Variants in UIMC1 observed in about 807,000 individuals in gnomAD.
The protein encoded by UIMC1 is ubiquitin interaction motif containing 1.
In UIMC1, 42 loss-of-function variants were observed where a neutral mutation model predicts 84.9. The observed-to-expected ratio is 0.49, with a 90% CI of 0.39 to 0.64. The LOEUF (loss-of-function observed/expected upper bound fraction) is 0.64, where lower values mean the gene tolerates loss of function less well. Ranked by LOEUF, UIMC1 falls within the 30% of genes least tolerant of loss-of-function variation. UIMC1 has a pLI of 0.00. For missense variants in UIMC1, 825 were observed against 847.6 expected (o/e 0.97, Z 0.33); for synonymous variants, 281 against 293.0 (o/e 0.96, Z 0.42).
intron 2 of UIMC1, among the ~76,000 whole-genome samples, chr5:176,978,989 C>T (rs898448697): frequency 3.3e-5 from 5 of 151,972 alleles, no homozygotes; most frequent in African/African-American, 7.2e-5. Flanking sequence ...GGTGTAAGTG[C>T]TAGAGAGTAA....
chr5:177,019,539 G>C (rs1273353399), intron 1 of UIMC1, among the ~76,000 whole-genome samples: 1 of 151,964 alleles, frequency 6.6e-6, no homozygotes, highest in East Asian at 1.9e-4. Context: ...CTACTCAGGA[G>C]GCTGAGGCTG....
In UIMC1 at chr5:176,927,014, T is replaced by G. The variant is rs181396722; in HGVS notation, c.1598-15625A>C. ...ATCAGGTAAAATAAGAGTTACTGCA[T>G]AAGCGCATACTGACTTGCAGAAAAT... On this transcript the variant is annotated intron_variant, in intron 10 of 14. Coordinates refer to ENST00000511320, the MANE Select transcript of UIMC1 (RefSeq NM_001199298.2). Among the ~76,000 whole-genome samples the G allele has an allele frequency of 2.0e-5, 3 of 152,248 alleles. No homozygotes were observed. In the East Asian group the frequency reaches 5.8e-4, roughly 29 times the overall value.
chr5:176,952,976 GATA>G (rs1312236049), intron 8 of UIMC1, among the ~76,000 whole-genome samples: 2 of 152,154 alleles, frequency 1.3e-5, no homozygotes, highest in Non-Finnish European at 2.9e-5. Context: ...CCCCTAATGT[GATA>G]ATATTAGGAA....
At chr5:176,927,024 C>T (rs751770398) in intron 10 of UIMC1, among the ~76,000 whole-genome samples, 7 of 152,072 alleles carry the variant, frequency 4.6e-5, no homozygotes, top group Non-Finnish European at 8.8e-5. Context: ...TAAGCGCATA[C>T]TGACTTGCAG....
chr5:176,992,080 G>A (rs545042211), intron 1 of UIMC1, among the ~76,000 whole-genome samples: 7 of 151,926 alleles, frequency 4.6e-5, no homozygotes, highest in African/African-American at 1.4e-4. Context: ...CCATGATGGC[G>A]CCACTGCACT....
rs1426368259 is a variant in UIMC1 at position 176,960,766 on chromosome 5, C to T, written c.1201-2612G>A. On this transcript the variant is annotated intron_variant, in intron 6 of 14. Transcript: ENST00000511320. ...GCCTGATTCTCCTGCCTCAGCCTGCCGAGTGCCTGCGATTGCAGGCACGCG... is the reference window on the plus strand; with the variant it reads ...GCCTGATTCTCCTGCCTCAGCCTGCTGAGTGCCTGCGATTGCAGGCACGCG... Among the ~76,000 whole-genome samples, 30 of 60,228 alleles carry T rather than the reference C, an allele frequency of 5.0e-4. 10 individuals are homozygous for T. The highest frequency in any genetic ancestry group is 2.5e-3 in the African/African-American group (21 of 8,412). 39.5% of individuals were successfully genotyped at this position (60,228 alleles called of 152,430 possible).
intron 1 of UIMC1, among the ~76,000 whole-genome samples, chr5:177,006,127 G>A (rs1357670790): frequency 6.6e-6 from 1 of 152,232 alleles, no homozygotes; most frequent in Admixed American, 6.5e-5. Flanking sequence ...GACCACGGCT[G>A]AGGGAGCTCG....
chr5:176,954,463 C>T (rs983294606), intron 8 of UIMC1, among the ~76,000 whole-genome samples: 11 of 151,926 alleles, frequency 7.2e-5, no homozygotes, highest in Non-Finnish European at 1.3e-4. Context: ...AGGCTGAGCA[C>T]GATGGTTCAT....
chr5:176,968,167 T>C, intron 6 of UIMC1, among the ~76,000 whole-genome samples: 1 of 151,052 alleles, frequency 6.6e-6, no homozygotes. Context: ...AGGTCAGGAG[T>C]TCAAGACCAG....
chr5:177,009,409 G>A (rs891640997), upstream of UIMC1, among the ~76,000 whole-genome samples: 5 of 151,722 alleles, frequency 3.3e-5, no homozygotes, highest in Non-Finnish European at 7.4e-5. This position sits in a 1 kb window ranked among gnomAD's most constrained non-coding sequence, Gnocchi z 4.3. Flanking sequence ...AAATAGCAGA[G>A]TTAGGACCCT....
intron 1 of UIMC1, among the ~76,000 whole-genome samples, chr5:177,003,811 A>G (rs1774887382): frequency 6.6e-6 from 1 of 152,104 alleles, no homozygotes; most frequent in Non-Finnish European, 1.5e-5. Flanking sequence ...TTTCCATCCT[A>G]TTTAAATGTT....
At chr5:176,967,743 A>T (rs1768517699) in intron 6 of UIMC1, among the ~76,000 whole-genome samples, 1 of 152,008 alleles carries the variant, frequency 6.6e-6, no homozygotes, top group Non-Finnish European at 1.5e-5. Flanking sequence ...TCTCTACAAA[A>T]AATATAAAAA....
At chr5:176,992,801 G>A (rs10463062) in intron 1 of UIMC1, among the ~76,000 whole-genome samples, 29,104 of 150,886 alleles carry the variant, frequency 0.19, 3,866 homozygotes, top group East Asian at 0.5. Flanking sequence ...GTAAGACCCC[G>A]TATCAAAAAA....
At chr5:176,994,152 G>A (rs1773265174) in intron 1 of UIMC1, among the ~76,000 whole-genome samples, 1 of 151,784 alleles carries the variant, frequency 6.6e-6, no homozygotes, top group African/African-American at 2.4e-5. Context: ...TACATCTCTA[G>A]GTGGATTCCA....
rs1772302142 is a variant in UIMC1, at chr5:176,988,145, A to C, written c.-8-5522T>G. On this transcript the variant is annotated intron_variant, in intron 1 of 14. Coordinates refer to ENST00000511320, the MANE Select transcript of UIMC1 (RefSeq NM_001199298.2). Reference sequence around the variant, plus strand: ...CGCCCCTGTCCAAAAAAAAAAAAAAAAAAAAACTCAAATCATTAATCATGA... The same window carrying C: ...CGCCCCTGTCCAAAAAAAAAAAAAACAAAAAACTCAAATCATTAATCATGA... 1.3e-5 allele frequency among the ~76,000 whole-genome samples: 2 copies of C among 151,968 alleles called. 1 individual carries two copies. The highest frequency in any genetic ancestry group is 4.8e-5 in the African/African-American group (2 of 41,372).
chr5:176,989,791 C>A (rs903738932), intron 1 of UIMC1, among the ~76,000 whole-genome samples: 1 of 152,146 alleles, frequency 6.6e-6, no homozygotes, highest in Admixed American at 6.6e-5. Context: ...TAACATCTCA[C>A]TAGATAACTA....
chr5:176,998,640 G>A (rs1480340882), intron 1 of UIMC1, among the ~76,000 whole-genome samples: 2 of 151,870 alleles, frequency 1.3e-5, no homozygotes. Context: ...GGTGGTGCAT[G>A]CCTGTAATCC....
In UIMC1 at chr5:176,969,207, C is replaced by A; in HGVS notation, c.548G>T (p.Trp183Leu). The change falls in exon 6 of 15, where the codon TGG becomes TTG. Residue 183 changes from tryptophan (W) to leucine (L), a missense_variant. Physicochemically the swap from Trp to Leu is moderately conservative, Grantham distance 61 (BLOSUM62 -2). Transcript: ENST00000511320. The part of the protein sequence containing the change: ...GNEAEEREEP[W>L]DHTEKTEEEP... Reference sequence around the variant, plus strand: ...CTCTTCAGTTTTTTCAGTGTGGTCCCAAGGCTCCTCTCTTTCCTCAGCCTC... The same window carrying A: ...CTCTTCAGTTTTTTCAGTGTGGTCCAAAGGCTCCTCTCTTTCCTCAGCCTC... The A allele has an allele frequency of 6.2e-7, 1 of 1,614,202 alleles. No homozygotes were observed. Among genetic ancestry groups the A allele is most frequent in the Non-Finnish European group, 8.5e-7 (1 of 1,180,036 alleles).
At chr5:176,988,477 T>C (rs1215449798) in intron 1 of UIMC1, among the ~76,000 whole-genome samples, 3 of 152,008 alleles carry the variant, frequency 2.0e-5, no homozygotes, top group Non-Finnish European at 4.4e-5. Flanking sequence ...GGCAAATCCA[T>C]AGGCAGAAAG....
Sources: gnomAD v4.1 joint callset for allele counts (sites outside exome capture counted in the v4.1 genomes callset) on GRCh38, gnomAD v4.1.1 for gene constraint, Gnocchi (gnomAD v3.1) non-coding constraint, MANE v1.5 for transcripts, NCBI Gene and HGNC (gene_info 2026-07-23, HGNC 2026-07-21) for gene names.